SH3TC2: variants seen among roughly 807,000 people sequenced by gnomAD.
The protein encoded by SH3TC2 is SH3 domain and tetratricopeptide repeat-containing protein 2.
Under a neutral mutation model 124.5 loss-of-function variants are expected in SH3TC2, and 87 were observed. The ratio of observed to expected loss-of-function variants is 0.70; its 90% CI spans 0.59 to 0.84. The LOEUF (loss-of-function observed/expected upper bound fraction) is 0.84, where lower values mean the gene tolerates loss of function less well. Among genes scored for constraint, SH3TC2 ranks in the 40% least tolerant of loss-of-function variants. SH3TC2 has a pLI of 0.00. For synonymous variants in SH3TC2, 634 were observed against 628.5 expected (o/e 1.01, Z -0.13); for missense variants, 1,536 against 1,566.4 (o/e 0.98, Z 0.33).
Position 148,982,926 on chromosome 5 carries a change from G to T in SH3TC2, c.*21785C>A, listed in dbSNP as rs1368785400. 6.6e-6 allele frequency among the ~76,000 whole-genome samples: 1 copy of T among 152,210 alleles called. No individual in the cohort carries two copies. Among genetic ancestry groups the T allele is most frequent in the Non-Finnish European group, 1.5e-5 (1 of 68,036 alleles). Reference sequence around the variant, plus strand: ...TGAAAGATAACTTTAGGAGACTGACGCAGCAGAGGCATCATGTCTGCAAGT... The same window carrying T: ...TGAAAGATAACTTTAGGAGACTGACTCAGCAGAGGCATCATGTCTGCAAGT... On this transcript the variant is annotated 3_prime_UTR_variant, in exon 17 of 17. Coordinates refer to ENST00000515425, the MANE Select transcript of SH3TC2 (RefSeq NM_024577.4).
intron 8 of SH3TC2, chr5:149,035,505 CTT>C (rs544967682): frequency 3.3e-5 from 5 of 152,858 alleles, no homozygotes; most frequent in Middle Eastern, 3.4e-3. Context: ...CGTGCAGAGA[CTT>C]CAGCGGCTTG....
chr5:149,003,658 T>C lies in SH3TC2; in HGVS notation c.*1053A>G, dbSNP rs1010031480. 18 of 348,790 alleles carry C rather than the reference T, an allele frequency of 5.2e-5. No individual in the cohort carries two copies. In the Admixed American group the frequency reaches 5.3e-4, roughly 10 times the overall value. The allele number at this position is 348,790 out of a possible 1,614,324, so 21.6% of individuals were successfully genotyped here. ...GTGTGCTATGCAGTGATGTTATTAA[T>C]AGAGATGCTTTGTAAAGCAGCTGCC... On this transcript the variant is annotated 3_prime_UTR_variant, in exon 17 of 17. Coordinates refer to ENST00000515425, the MANE Select transcript of SH3TC2 (RefSeq NM_024577.4).
In SH3TC2 at chr5:149,004,509, C is replaced by T; in HGVS notation, c.*202G>A. On this transcript the variant is annotated 3_prime_UTR_variant, in exon 17 of 17. Coordinates refer to ENST00000515425, the MANE Select transcript of SH3TC2 (RefSeq NM_024577.4). ...AAGGCTCCAGATGCAAAGCCTGGAA[C>T]CAGGAATTCTCATCGCTGCACCATC... The T allele has an allele frequency of 3.3e-6, 2 of 611,728 alleles. No homozygotes were observed. The highest frequency in any genetic ancestry group is 5.7e-6 in the Non-Finnish European group (2 of 351,800). 37.9% of individuals were successfully genotyped at this position (611,728 alleles called of 1,614,324 possible). A position where few individuals can be genotyped will look rare whatever the true frequency, so the allele number is the denominator to read the frequency against.
At position 149,003,746 on chromosome 5, in the gene SH3TC2, G is replaced by C. The variant is rs1322040954; in HGVS notation, c.*965C>G. Reference sequence around the variant, plus strand: ...CATGCCTGTAGTTCCAGCTACTCAGGAGGTTGACACTGGAGGATCACTTGA... The same window carrying C: ...CATGCCTGTAGTTCCAGCTACTCAGCAGGTTGACACTGGAGGATCACTTGA... On this transcript the variant is annotated 3_prime_UTR_variant, in exon 17 of 17. Transcript: ENST00000515425. 2 of 444,982 alleles carry C rather than the reference G, an allele frequency of 4.5e-6. No homozygotes were observed. Among genetic ancestry groups the C allele is most frequent in the Non-Finnish European group, 9.0e-6 (2 of 223,098 alleles). The allele number at this position is 444,982 out of a possible 1,614,324, so 27.6% of individuals were successfully genotyped here. A position where few individuals can be genotyped will look rare whatever the true frequency, so the allele number is the denominator to read the frequency against.
rs192753488 is a variant in SH3TC2 at position 149,050,860 on chromosome 5, A to G, written c.151+1282T>C. Among the ~76,000 whole-genome samples the G allele has an allele frequency of 1.3e-3, 196 of 152,320 alleles. 1 individual carries two copies. The highest frequency in any genetic ancestry group is 4.6e-3 in the African/African-American group (190 of 41,578). ...TATATTTTGTATTACAGGGAGAGCT[A>G]TATTTTTGGAGGGTGAAGGAGCATT... On this transcript the variant is annotated intron_variant, in intron 2 of 16. Coordinates refer to ENST00000515425, the MANE Select transcript of SH3TC2 (RefSeq NM_024577.4).
intron 2 of SH3TC2, among the ~76,000 whole-genome samples, chr5:149,049,448 T>C (rs532253153): frequency 2.6e-5 from 4 of 152,306 alleles, no homozygotes; most frequent in East Asian, 1.9e-4. Context: ...ATGACTTTTA[T>C]AGTACCTATC....
intron 12 of SH3TC2, among the ~76,000 whole-genome samples, chr5:149,025,482 C>A (rs552421413): frequency 6.6e-6 from 1 of 152,232 alleles, no homozygotes; most frequent in African/African-American, 2.4e-5. Flanking sequence ...TTAACAGTAG[C>A]GATTTTAGAA....
At chr5:149,019,791 A>AGAGACATACCT (rs1753937644) in intron 12 of SH3TC2, among the ~76,000 whole-genome samples, 1 of 152,188 alleles carries the variant, frequency 6.6e-6, no homozygotes, top group Non-Finnish European at 1.5e-5. Flanking sequence ...GCTTGTCCCT[A>AGAGACATACCT]GCTCTGTGGT....
chr5:149,034,370 G>A, intron 8 of SH3TC2: 1 of 226,946 alleles, frequency 4.4e-6, no homozygotes, highest in South Asian at 5.2e-5. Context: ...CAAGAATGAG[G>A]ATAGAGTAAG....
At position 149,026,695 on chromosome 5, in the gene SH3TC2, G is replaced by A. The variant is rs377107301; in HGVS notation, c.2930C>T (p.Pro977Leu). ...CHFYSSVSPN[P>L]EACITYHEHW... ...CTCATGGTAGGTGATGCATGCCTCA[G>A]GGTTTGGGGACACAGAGCTGTAGAA... is the stretch of plus-strand genomic sequence containing the variant. The change falls in exon 12 of 17, where the codon CCT becomes CTT. Residue 977 changes from proline to leucine, a missense_variant. Physicochemically the swap from Pro to Leu is moderately conservative, Grantham distance 98 (BLOSUM62 -3). Coordinates refer to ENST00000515425, the MANE Select transcript of SH3TC2 (RefSeq NM_024577.4). 6.2e-7 allele frequency: 1 copy of A among 1,614,198 alleles called. No homozygotes were observed. Among genetic ancestry groups the A allele is most frequent in the Non-Finnish European group, 8.5e-7 (1 of 1,180,038 alleles).
chr5:149,013,459 T>C (rs1335909778), intron 12 of SH3TC2, among the ~76,000 whole-genome samples: 1 of 152,222 alleles, frequency 6.6e-6, no homozygotes, highest in Non-Finnish European at 1.5e-5. Context: ...GGTATGTCTT[T>C]ATTAGCAGCA....
chr5:149,038,544 C>T (rs941853691), intron 7 of SH3TC2, 54 bp from the exon 8 acceptor site: 2 of 1,550,278 alleles, frequency 1.3e-6, no homozygotes, highest in African/African-American at 2.7e-5. Context: ...GCTGAGCCTC[C>T]CATCACCTTC....
chr5:149,038,233 G>A (rs757645691), intron 8 of SH3TC2, 62 bp downstream of exon 8: 1 of 1,561,272 alleles, frequency 6.4e-7, no homozygotes, highest in Non-Finnish European at 8.8e-7. Flanking sequence ...TCTGCTCAAA[G>A]AGGGGAGGGA....
In SH3TC2 at chr5:148,987,441, A is replaced by C. The variant is rs1485315781; in HGVS notation, c.*17270T>G. Among the ~76,000 whole-genome samples the C allele has an allele frequency of 6.6e-6, 1 of 152,246 alleles. No homozygotes were observed. Among genetic ancestry groups the C allele is most frequent in the African/African-American group, 2.4e-5 (1 of 41,466 alleles). On this transcript the variant is annotated 3_prime_UTR_variant, in exon 17 of 17. Coordinates refer to ENST00000515425, the MANE Select transcript of SH3TC2 (RefSeq NM_024577.4). ...GTAAACTTGAGGAGATAAGGTGTTG[A>C]AACTCTCCCAGGCCTTATTCATGAG...
rs563075921 is a variant in SH3TC2 at position 148,998,282 on chromosome 5, T to A, written c.*6429A>T. ...CAACAAAAAAGGATTTGACAGCCACTACCCTAGTCTGATTCAGAACTATTA... is the reference window on the plus strand; with the variant it reads ...CAACAAAAAAGGATTTGACAGCCACAACCCTAGTCTGATTCAGAACTATTA... On this transcript the variant is annotated 3_prime_UTR_variant, in exon 17 of 17. Coordinates refer to ENST00000515425, the MANE Select transcript of SH3TC2 (RefSeq NM_024577.4). Among the ~76,000 whole-genome samples, 1 of 152,346 alleles carries A rather than the reference T, an allele frequency of 6.6e-6. No individual in the cohort carries two copies. Among genetic ancestry groups the A allele is most frequent in the South Asian group, 2.1e-4 (1 of 4,828 alleles).
chr5:149,041,282 A>G (rs1754367264), intron 6 of SH3TC2, 134 bp downstream of exon 6: 17 of 888,558 alleles, frequency 1.9e-5, no homozygotes, highest in Non-Finnish European at 3.0e-5. Flanking sequence ...AAAAGACAGA[A>G]AGATAAAGAC....
intron 12 of SH3TC2, among the ~76,000 whole-genome samples, chr5:149,015,985 T>G (rs1163874617): frequency 3.3e-5 from 5 of 152,204 alleles, no homozygotes; most frequent in African/African-American, 1.2e-4. Context: ...TTTTGATTTG[T>G]TTTTTGAAAC....
Position 149,013,637 on chromosome 5 carries a change from T to C in SH3TC2, c.3054-903A>G, listed in dbSNP as rs183788318. Among the ~76,000 whole-genome samples, 3 of 152,350 alleles carry C rather than the reference T, an allele frequency of 2.0e-5. No individual in the cohort carries two copies. The East Asian group carries it at 5.8e-4, about 29-fold the overall frequency. On this transcript the variant is annotated intron_variant, in intron 12 of 16. Coordinates refer to ENST00000515425, the MANE Select transcript of SH3TC2 (RefSeq NM_024577.4). ...TAGAGTGAAAGTTTTAACAGGTTGG[T>C]GCTTAATGGGGTGCCCTTTAATTAT...
chr5:149,040,862 C>A (rs1454880610), intron 6 of SH3TC2, among the ~76,000 whole-genome samples, 185 bp from the exon 7 acceptor site: 1 of 152,130 alleles, frequency 6.6e-6, no homozygotes, highest in Non-Finnish European at 1.5e-5. Context: ...AGTTAGTAGA[C>A]CTGGGATATT....
Sources: gnomAD v4.1 joint callset for allele counts (sites outside exome capture counted in the v4.1 genomes callset) on GRCh38, gnomAD v4.1.1 for gene constraint, MANE v1.5 for transcripts, NCBI Gene and HGNC (gene_info 2026-07-23, HGNC 2026-07-21) for gene names.